Variants in ALOX15 observed in about 807,000 individuals in gnomAD.
ALOX15 encodes the protein polyunsaturated fatty acid lipoxygenase ALOX15.
A neutral mutation model predicts 71.7 loss-of-function variants in ALOX15; 68 were observed. The ratio of observed to expected loss-of-function variants is 0.95; its 90% confidence interval spans 0.78 to 1.16. The LOEUF is 1.16. Ranked by LOEUF, ALOX15 falls within the 50% of genes most tolerant of loss-of-function variation. The pLI, the probability that ALOX15 is intolerant of heterozygous loss-of-function variation, is 0.00. For synonymous variants in ALOX15, 346 were observed against 333.3 expected, an observed-to-expected ratio of 1.04 and a Z score of -0.42; for missense variants, 798 against 818.8, an observed-to-expected ratio of 0.97 and a Z score of 0.31.
At chr17:4,639,826 G>A in intron 1 of ALOX15, 195 bp from the exon 2 acceptor site, 2 of 579,702 alleles carry the variant, frequency 3.5e-6, no homozygotes, top group Non-Finnish European at 6.0e-6. Context: ...CTGAGGGGAC[G>A]GGGACGGCAG....
rs545633800 is a variant in ALOX15 at position 4,635,795 on chromosome 17, G to A, written c.1125C>T (p.Thr375=). ...HLMAEVIVVA[T]MRCLPSIHPI... Reference sequence around the variant, plus strand: ...GATGTATCGACGGCAGGCACCTCATGGTGGCCACAACAATGACCTCAGCCA... The same window carrying A: ...GATGTATCGACGGCAGGCACCTCATAGTGGCCACAACAATGACCTCAGCCA... The change falls in exon 8 of 14, where the codon ACC becomes ACT. Residue 375 remains threonine (T), a synonymous_variant. Coordinates refer to ENST00000293761, the MANE Select transcript of ALOX15 (RefSeq NM_001140.5). 46 of 1,614,214 alleles carry A rather than the reference G, an allele frequency of 2.8e-5. No individual in the cohort carries two copies. In the East Asian group the frequency reaches 8.9e-4, roughly 31 times the overall value.
rs1477273382 is a variant in ALOX15, at chr17:4,639,185, T to C, written c.338-53A>G. On this transcript the variant is annotated intron_variant, in intron 2 of 13. Transcript: ENST00000293761. The stretch of plus-strand genomic sequence containing the variant: ...GTGACTTTTGGTGAGCGCCTCTTCT[T>C]GTCTCTGCCAGGAGAGCCTCAGCAC... 7 of 1,601,296 alleles carry C rather than the reference T, an allele frequency of 4.4e-6. No homozygotes were observed. In the Admixed American group the frequency reaches 8.3e-5, roughly 19 times the overall value.
intron 11 of ALOX15, among the ~76,000 whole-genome samples, chr17:4,632,504 G>C (rs1910948709): frequency 6.6e-6 from 1 of 152,182 alleles, no homozygotes; most frequent in African/African-American, 2.4e-5. Context: ...TGGCTCGCAA[G>C]AGTCAGTCCA....
In ALOX15 at chr17:4,631,704, C is replaced by T. The variant is rs1910903477; in HGVS notation, c.1885G>A (p.Glu629Lys). 6.2e-7 allele frequency: 1 copy of T among 1,614,214 alleles called. No individual in the cohort carries two copies. Among genetic ancestry groups the T allele is most frequent in the Non-Finnish European group, 8.5e-7 (1 of 1,180,040 alleles). The change falls in exon 14 of 14, where the codon GAG (glutamate) becomes AAG (lysine). Residue 629 changes from glutamate to lysine, a missense_variant. Physicochemically the swap from Glu to Lys is moderately conservative, Grantham distance 56. This residue lies in a region of ALOX15 where 490 missense variants were observed against 509.4 expected (regional missense o/e 0.96). Coordinates refer to ENST00000293761, the MANE Select transcript of ALOX15 (RefSeq NM_001140.5). ...ATTTCCTTATCCAGGGCAGCCAGCTCCTCCCTGAACTTCTTCAGCACAGCC... is the reference window on the plus strand; with the variant it reads ...ATTTCCTTATCCAGGGCAGCCAGCTTCTCCCTGAACTTCTTCAGCACAGCC... ...PKAVLKKFRE[E>K]LAALDKEIEI...
rs1910975400 is a variant in ALOX15, at chr17:4,633,194, G to A, written c.1370C>T (p.Ser457Phe). The A allele has an allele frequency of 6.2e-7, 1 of 1,614,076 alleles. No individual in the cohort carries two copies. The highest frequency in any genetic ancestry group is 8.5e-7 in the Non-Finnish European group (1 of 1,180,036). ...LADRGLLGVK[S>F]SFYAQDALRL... Reference sequence around the variant, plus strand: ...CAGCGCATCTTGGGCATAGAAGGAAGACTTCACTCCCAGGAGCCCCCGGTC... The same window carrying A: ...CAGCGCATCTTGGGCATAGAAGGAAAACTTCACTCCCAGGAGCCCCCGGTC... Residue 457 changes from serine (S) to phenylalanine (F), a missense_variant, in exon 10 of 14, where the codon TCT (serine) becomes TTT (phenylalanine). Physicochemically the swap from Ser to Phe is radical, Grantham distance 155. This residue lies in a region of ALOX15 where 490 missense variants were observed against 509.4 expected (regional missense o/e 0.96). Transcript: ENST00000293761.
At chr17:4,635,563 C>T (rs1911067316) in intron 8 of ALOX15, among the ~76,000 whole-genome samples, 196 bp downstream of exon 8, 1 of 152,206 alleles carries the variant, frequency 6.6e-6, no homozygotes, top group African/African-American at 2.4e-5. Context: ...ATTATTTTCG[C>T]CACTTTCCCA....
intron 8 of ALOX15, 83 bp from the exon 9 acceptor site, chr17:4,633,583 G>A: frequency 8.4e-7 from 1 of 1,190,202 alleles, no homozygotes; most frequent in Non-Finnish European, 1.2e-6. Flanking sequence ...CAGCAGGAAA[G>A]GCACCAGGTC....
At chr17:4,634,238 T>C (rs1427440096) in intron 8 of ALOX15, among the ~76,000 whole-genome samples, 1 of 152,238 alleles carries the variant, frequency 6.6e-6, no homozygotes, top group African/African-American at 2.4e-5. Flanking sequence ...TTGATTTGCA[T>C]CAACTATTTC....
At chr17:4,636,704 C>G (rs538794645) in intron 7 of ALOX15, among the ~76,000 whole-genome samples, 1 of 152,300 alleles carries the variant, frequency 6.6e-6, no homozygotes, top group South Asian at 2.1e-4. Context: ...TACTCCTTAG[C>G]CTGGCTTAGT....
At chr17:4,640,900 T>C (rs1269468274) in intron 1 of ALOX15, among the ~76,000 whole-genome samples, 1 of 151,086 alleles carries the variant, frequency 6.6e-6, no homozygotes, top group Non-Finnish European at 1.5e-5. Context: ...GAGGACCTCA[T>C]CCGGGCATGT....
At chr17:4,638,446 G>GC in intron 5 of ALOX15, 69 bp from the exon 6 acceptor site, 1 of 724,954 alleles carries the variant, frequency 1.4e-6, no homozygotes, top group Non-Finnish European at 2.3e-6. Flanking sequence ...CACCAACCAT[G>GC]CCTCCTTGAC....
chr17:4,636,285 T>A, intron 7 of ALOX15, among the ~76,000 whole-genome samples: 1 of 152,216 alleles, frequency 6.6e-6, no homozygotes, highest in East Asian at 1.9e-4. Context: ...CATCCCACAC[T>A]GTTTTTTGAA....
At chr17:4,637,285 G>A in intron 6 of ALOX15, 27 bp from the exon 7 acceptor site, 4 of 1,589,884 alleles carry the variant, frequency 2.5e-6, no homozygotes, top group Non-Finnish European at 3.4e-6. Flanking sequence ...GTCAAGGGCT[G>A]CTATCAACAT....
chr17:4,636,120 T>G, intron 7 of ALOX15, 152 bp from the exon 8 acceptor site: 1 of 810,120 alleles, frequency 1.2e-6, no homozygotes, highest in Non-Finnish European at 1.9e-6. Flanking sequence ...TCCCGTTTCC[T>G]CCCCTCCCCT....
rs190386185 is a variant in ALOX15, at chr17:4,632,942, C to A, written c.1459G>T (p.Val487Leu). The change falls in exon 11 of 14, where the codon GTG becomes TTG. Residue 487 changes from valine to leucine, a missense_variant. By Grantham distance (32) the Val-to-Leu change is conservative (BLOSUM62 1). Transcript: ENST00000293761. Reference protein sequence around the residue: ...GIVSLHYKTDVAVKDDPELQT... With the variant: ...GIVSLHYKTDLAVKDDPELQT... ...AGCTCTGGGTCGTCTTTCACAGCCA[C>A]GTCTGTCTTATAGTGGAGACTCACG... 10 of 1,614,140 alleles carry A rather than the reference C, an allele frequency of 6.2e-6. No individual in the cohort carries two copies. The African/African-American group carries it at 1.3e-4, about 22-fold the overall frequency.
Position 4,638,927 on chromosome 17 carries a change from G to C in ALOX15, c.465C>G (p.Ala155=), listed in dbSNP as rs751970756. The part of the protein sequence containing the change: ...KDGLILNMAG[A]KLYDLPVDER... Reference sequence around the variant, plus strand: ...CATCCACAGGGAGGTCATATAGTTTGGCCCCAGCCATATTCAGAATTAACC... The same window carrying C: ...CATCCACAGGGAGGTCATATAGTTTCGCCCCAGCCATATTCAGAATTAACC... The change falls in exon 4 of 14, where the codon GCC becomes GCG. Residue 155 remains alanine (A), a synonymous_variant. Coordinates refer to ENST00000293761, the MANE Select transcript of ALOX15 (RefSeq NM_001140.5). The C allele has an allele frequency of 1.9e-6, 3 of 1,614,204 alleles. No individual in the cohort carries two copies. Among genetic ancestry groups the C allele is most frequent in the Middle Eastern group, 1.6e-4 (1 of 6,062 alleles).
Position 4,637,299 on chromosome 17 carries a change from G to T in ALOX15, c.808-41C>A, listed in dbSNP as rs758383834. 7 of 1,573,624 alleles carry T rather than the reference G, an allele frequency of 4.4e-6. No homozygotes were observed. In the South Asian group the frequency reaches 8.2e-5, roughly 18 times the overall value. On this transcript the variant is annotated intron_variant, in intron 6 of 13. Transcript: ENST00000293761. ...GGTCAAGGGCTGCTATCAACATAAA[G>T]CATCTTCTTCCTACTCGGATTCCTC... is the stretch of plus-strand genomic sequence containing the variant.
chr17:4,639,423 C>T lies in ALOX15; in HGVS notation c.337+7G>A, dbSNP rs773888759. 3.1e-6 allele frequency: 5 copies of T among 1,613,220 alleles called. No homozygotes were observed. Among genetic ancestry groups the T allele is most frequent in the Non-Finnish European group, 3.4e-6 (4 of 1,179,900 alleles). On this transcript the variant is annotated splice_region_variant and intron_variant, in intron 2 of 13. Transcript: ENST00000293761. The stretch of plus-strand genomic sequence containing the variant: ...AGGCCTCCTGACACCCTCAGCCCCG[C>T]GCTTACCGGTGCCTTCAGGCAGGCT...
chr17:4,632,408 A>G lies in ALOX15; in HGVS notation c.1541-127T>C, dbSNP rs577106801. On this transcript the variant is annotated intron_variant, in intron 11 of 13. Transcript: ENST00000293761. ...GAATGCTCAGTTAACTCTTACAGGA[A>G]TTACCATGACAGCAGGTTGGGGTGG... 28 of 787,102 alleles carry G rather than the reference A, an allele frequency of 3.6e-5. No individual in the cohort carries two copies. In the African/African-American group the frequency reaches 4.4e-4, roughly 12 times the overall value. 48.8% of individuals were successfully genotyped at this position (787,102 alleles called of 1,614,324 possible).
Sources: allele counts gnomAD v4.1 joint callset (sites outside exome capture counted in the v4.1 genomes callset), GRCh38; gene constraint gnomAD v4.1.1; regional missense constraint gnomAD v4.1.1; transcripts MANE v1.5; gene names NCBI Gene and HGNC (gene_info 2026-07-23, HGNC 2026-07-21).